GNB4: variants seen among roughly 807,000 people sequenced by gnomAD.
GNB4 encodes the protein G protein subunit beta 4, also known as guanine nucleotide-binding protein subunit beta-4.
A neutral mutation model predicts 45.2 loss-of-function variants in GNB4; 28 were observed. The observed-to-expected ratio is 0.62, with a 90% CI of 0.46 to 0.85. The LOEUF (loss-of-function observed/expected upper bound fraction) is 0.85, where lower values mean the gene tolerates loss of function less well. Ranked by LOEUF, GNB4 falls within the 40% of genes least tolerant of loss-of-function variation. The pLI is 0.00. For missense variants in GNB4, 321 were observed against 425.4 expected (o/e 0.75, Z 2.16); for synonymous variants, 132 against 143.7 (o/e 0.92, Z 0.58).
At chr3:179,473,978 C>T in the GNB4 span, among the ~76,000 whole-genome samples, 1 of 152,086 alleles carries the variant, frequency 6.6e-6, no homozygotes, top group Non-Finnish European at 1.5e-5. Context: ...GACTTCTTCC[C>T]TGTCCTTTTT....
intron 1 of GNB4, among the ~76,000 whole-genome samples, chr3:179,440,288 G>A (rs1158255560): frequency 6.6e-6 from 1 of 152,132 alleles, no homozygotes; most frequent in Non-Finnish European, 1.5e-5. Context: ...AGGTCAGGAA[G>A]GACAGGCTTA....
the GNB4 span, among the ~76,000 whole-genome samples, chr3:179,478,372 A>G: frequency 1.3e-5 from 2 of 152,194 alleles, no homozygotes; most frequent in South Asian, 2.1e-4. Context: ...GCAACTTCCT[A>G]TTACAAAACA....
intron 1 of GNB4, chr3:179,437,778 C>T (rs1191328241): frequency 1.3e-5 from 2 of 151,884 alleles, no homozygotes; most frequent in South Asian, 4.1e-4. Flanking sequence ...GGCACAAAGG[C>T]AGGATAGGCC....
the GNB4 span, among the ~76,000 whole-genome samples, chr3:179,523,670 G>A: frequency 6.6e-6 from 1 of 152,136 alleles, no homozygotes; most frequent in Admixed American, 6.5e-5. Flanking sequence ...CTGTGGGATG[G>A]GATATTGGTG....
At chr3:179,465,000 A>G in the GNB4 span, 1 of 1,538,740 alleles carries the variant, frequency 6.5e-7, no homozygotes, top group Middle Eastern at 1.8e-4. Flanking sequence ...GATGGGGTGC[A>G]TGAACGTCCC....
chr3:179,480,084 C>T, the GNB4 span, among the ~76,000 whole-genome samples: 1 of 152,136 alleles, frequency 6.6e-6, no homozygotes, highest in African/African-American at 2.4e-5. Flanking sequence ...GTTAAAAAAG[C>T]AAGGTTTGTG....
the GNB4 span, among the ~76,000 whole-genome samples, chr3:179,518,463 T>C: frequency 7.3e-5 from 11 of 151,364 alleles, no homozygotes; most frequent in East Asian, 2.2e-3. Context: ...GTCTTTCTTC[T>C]TTTGAATCTT....
chr3:179,407,341 C>A (rs954577641), intron 8 of GNB4, among the ~76,000 whole-genome samples: 1 of 152,122 alleles, frequency 6.6e-6, no homozygotes, highest in African/African-American at 2.4e-5. Flanking sequence ...TGCCTGTAGT[C>A]CCAGCTACCT....
chr3:179,469,698 G>A, the GNB4 span, among the ~76,000 whole-genome samples: 1 of 152,184 alleles, frequency 6.6e-6, no homozygotes, highest in Non-Finnish European at 1.5e-5. Context: ...TCCATGAGGA[G>A]TCTAAGGTCT....
At chr3:179,445,278 C>A (rs764701301) in intron 1 of GNB4, among the ~76,000 whole-genome samples, 5 of 151,802 alleles carry the variant, frequency 3.3e-5, no homozygotes, top group Non-Finnish European at 7.4e-5. Flanking sequence ...GTACTTTATA[C>A]TTTTTTTTCC....
chr3:179,443,853 C>A (rs961842782), intron 1 of GNB4, among the ~76,000 whole-genome samples: 2 of 152,172 alleles, frequency 1.3e-5, no homozygotes, highest in African/African-American at 4.8e-5. Context: ...TTCTCTACCC[C>A]ACCACTAATG....
the GNB4 span, among the ~76,000 whole-genome samples, chr3:179,468,035 A>AAATAATATATATATATATATATATAT: frequency 2.2e-5 from 2 of 89,856 alleles, 1 homozygote; most frequent in African/African-American, 8.0e-5. Flanking sequence ...TGTTGATAAA[A>AAATAATATATATATATATATATATAT]ATATATATAT....
At chr3:179,486,485 A>G in the GNB4 span, among the ~76,000 whole-genome samples, 1 of 152,190 alleles carries the variant, frequency 6.6e-6, no homozygotes, top group African/African-American at 2.4e-5. Flanking sequence ...CTAAAGTTGC[A>G]GTCTTATTTA....
chr3:179,485,593 T>G, the GNB4 span, among the ~76,000 whole-genome samples: 2 of 152,104 alleles, frequency 1.3e-5, no homozygotes, highest in Non-Finnish European at 2.9e-5. Flanking sequence ...CAGTACTAGG[T>G]GGAGTGTATT....
the GNB4 span, among the ~76,000 whole-genome samples, chr3:179,511,874 A>C: frequency 6.6e-6 from 1 of 152,148 alleles, no homozygotes; most frequent in Non-Finnish European, 1.5e-5. Context: ...TTTTTCATGA[A>C]AATAGAAAGG....
upstream of GNB4, chr3:179,451,626 G>A (rs899817013): frequency 9.2e-5 from 14 of 151,394 alleles, no homozygotes; most frequent in South Asian, 2.1e-4. Flanking sequence ...AGCCCGGGCG[G>A]GGGGCGAAGG....
the GNB4 span, among the ~76,000 whole-genome samples, chr3:179,489,006 A>T: frequency 3.2e-3 from 140 of 43,634 alleles, 8 homozygotes; most frequent in Non-Finnish European, 4.8e-3. Flanking sequence ...AAAAAAAAAA[A>T]AAAAAAAAAA....
intron 8 of GNB4, among the ~76,000 whole-genome samples, chr3:179,409,827 AC>A (rs1392297592): frequency 5.7e-4 from 66 of 116,146 alleles, no homozygotes; most frequent in African/African-American, 1.8e-3. Flanking sequence ...AAACAAAAAA[AC>A]AAAACAAAAA....
the GNB4 span, among the ~76,000 whole-genome samples, chr3:179,506,822 A>T: frequency 6.6e-6 from 1 of 151,966 alleles, no homozygotes; most frequent in African/African-American, 2.4e-5. Context: ...GTAATTCTCT[A>T]TTTAAATAAG....
Sources: gnomAD v4.1 joint callset for allele counts (sites outside exome capture counted in the v4.1 genomes callset) on GRCh38, gnomAD v4.1.1 for gene constraint, MANE v1.5 for transcripts, NCBI Gene and HGNC (gene_info 2026-07-23, HGNC 2026-07-21) for gene names.